The following MELK variants were observed in gnomAD, a reference collection of about 807,000 sequenced individuals.
The protein encoded by MELK is maternal embryonic leucine zipper kinase, also known as pEg3 kinase.
In MELK, 81 loss-of-function variants were observed where a neutral mutation model predicts 85.0. The observed-to-expected ratio is 0.95, with a 90% confidence interval of 0.80 to 1.15. The LOEUF is 1.15. Among genes scored for constraint, MELK ranks in the 50% most tolerant of loss-of-function variants. The pLI, the probability that MELK is intolerant of heterozygous loss-of-function variation, is 0.00. For synonymous variants in MELK, 252 were observed against 265.0 expected (o/e 0.95, Z 0.48); for missense variants, 754 against 777.5 (o/e 0.97, Z 0.36).
At chr9:36,608,708 A>G (rs188400442) in intron 8 of MELK, among the ~76,000 whole-genome samples, 5 of 151,918 alleles carry the variant, frequency 3.3e-5, no homozygotes, top group Middle Eastern at 3.4e-3. Context: ...CAGCCTCCCT[A>G]GTAGCTGGGA....
At chr9:36,655,842 G>A (rs1194558028) in intron 12 of MELK, among the ~76,000 whole-genome samples, 50 of 152,150 alleles carry the variant, frequency 3.3e-4, no homozygotes, top group Non-Finnish European at 1.5e-5. Context: ...CCTTGGTTGA[G>A]ACAGTGGAAA....
chr9:36,651,878 G>T lies in MELK; in HGVS notation c.1053+1G>T, dbSNP rs1157671820. Reference sequence around the variant, plus strand: ...TGCTACCCCATTCACAGACATCAAGGTAAGTGTTACTGCCTGTTGTGTCTT... The same window carrying T: ...TGCTACCCCATTCACAGACATCAAGTTAAGTGTTACTGCCTGTTGTGTCTT... On this transcript the variant is annotated splice_donor_variant, in intron 12 of 17. Transcript: ENST00000298048. LOFTEE classifies it high-confidence loss of function. 3 of 1,612,876 alleles carry T rather than the reference G, an allele frequency of 1.9e-6. No individual in the cohort carries two copies. Among genetic ancestry groups the T allele is most frequent in the Non-Finnish European group, 2.5e-6 (3 of 1,179,496 alleles).
chr9:36,668,991 C>G (rs1832640580), intron 14 of MELK, among the ~76,000 whole-genome samples: 1 of 151,004 alleles, frequency 6.6e-6, no homozygotes, highest in South Asian at 2.1e-4. Context: ...GAAAAAGAAT[C>G]AGTAATTATG....
In MELK at chr9:36,671,127, A is replaced by C; in HGVS notation, c.1635A>C (p.Lys545Asn). The C allele has an allele frequency of 6.2e-7, 1 of 1,610,322 alleles. No individual in the cohort carries two copies. The highest frequency in any genetic ancestry group is 8.5e-7 in the Non-Finnish European group (1 of 1,178,186). ...DKVITVLTRSKRKGSARDGPR... is the reference protein window; with the variant it reads ...DKVITVLTRSNRKGSARDGPR... ...TTATCACTGTGCTCACCAGGAGCAA[A>C]AGGAAGGGTTCTGCCAGAGACGGGC... Residue 545 changes from lysine (K) to asparagine (N), a missense_variant, in exon 16 of 18, where the codon AAA (lysine) becomes AAC (asparagine). Coordinates refer to ENST00000298048, the MANE Select transcript of MELK (RefSeq NM_014791.4).
intron 7 of MELK, among the ~76,000 whole-genome samples, chr9:36,601,453 A>T (rs1824914238): frequency 6.6e-6 from 1 of 152,198 alleles, no homozygotes; most frequent in Non-Finnish European, 1.5e-5. Context: ...TTTTGGCAGA[A>T]ATACCACAAA....
intron 5 of MELK, among the ~76,000 whole-genome samples, chr9:36,595,450 T>C (rs1468256043): frequency 6.6e-6 from 1 of 152,066 alleles, no homozygotes; most frequent in East Asian, 1.9e-4. Flanking sequence ...CAGTCTGGTC[T>C]TGAACTCCTG....
Position 36,677,241 on chromosome 9 carries a change from AC to A in MELK, c.1863del (p.Asp622MetfsTer20). ...AATTAGAAGTGTGCCAGCTTCAAAA[AC>A]CCGATGTGGTGGGTATCAGGAGGCA... ...FELEVCQLQK[P>X]DVVGIRRQRL... On this transcript the variant is annotated frameshift_variant, in exon 18 of 18. Transcript: ENST00000298048. LOFTEE classifies it high-confidence loss of function. 1 of 1,614,084 alleles carries A rather than the reference AC, an allele frequency of 6.2e-7. No homozygotes were observed. The highest frequency in any genetic ancestry group is 8.5e-7 in the Non-Finnish European group (1 of 1,179,994).
Position 36,659,312 on chromosome 9 carries a change from G to A in MELK, c.1176+1949G>A, listed in dbSNP as rs534365322. 2.0e-5 allele frequency among the ~76,000 whole-genome samples: 3 copies of A among 152,156 alleles called. No homozygotes were observed. The South Asian group carries it at 6.2e-4, about 32-fold the overall frequency. ...ATTACAGGCATGAGCCACCGTGCCC[G>A]GCCATACTTTTTTATTTCTTTGCAT... is the stretch of plus-strand genomic sequence containing the variant. On this transcript the variant is annotated intron_variant, in intron 13 of 17. Coordinates refer to ENST00000298048, the MANE Select transcript of MELK (RefSeq NM_014791.4).
chr9:36,590,928 G>GA (rs1219269328), intron 4 of MELK, among the ~76,000 whole-genome samples: 24 of 145,426 alleles, frequency 1.7e-4, no homozygotes, highest in East Asian at 6.1e-4. Flanking sequence ...AAAGAAAAAA[G>GA]AAAAAAAAAA....
chr9:36,641,627 G>A (rs1275102020), intron 10 of MELK, among the ~76,000 whole-genome samples: 1 of 137,488 alleles, frequency 7.3e-6, no homozygotes, highest in Non-Finnish European at 1.5e-5. Flanking sequence ...TTTTTTTGGA[G>A]ATGGAGTTTC....
At chr9:36,582,723 G>A (rs1822384612) in intron 2 of MELK, among the ~76,000 whole-genome samples, 1 of 152,112 alleles carries the variant, frequency 6.6e-6, no homozygotes, top group South Asian at 2.1e-4. Context: ...ATATTTTGAG[G>A]ACAGAGCTAA....
intron 8 of MELK, among the ~76,000 whole-genome samples, chr9:36,623,516 G>T (rs541930317): frequency 6.6e-6 from 1 of 152,224 alleles, no homozygotes; most frequent in African/African-American, 2.4e-5. Flanking sequence ...ACTTGTGGAT[G>T]ATACTCTACA....
intron 15 of MELK, 128 bp downstream of exon 15, chr9:36,669,534 TATGTGTGG>T: frequency 1.6e-6 from 1 of 638,944 alleles, no homozygotes; most frequent in Non-Finnish European, 2.5e-6. Context: ...AATATCTGTT[TATGTGTGG>T]ATGACCTGTG....
chr9:36,628,713 C>T (rs965577301), intron 8 of MELK, among the ~76,000 whole-genome samples: 3 of 151,952 alleles, frequency 2.0e-5, no homozygotes, highest in Non-Finnish European at 2.9e-5. Flanking sequence ...CCACCACATC[C>T]GGCCAATGAT....
Position 36,594,761 on chromosome 9 carries a change from A to T in MELK, c.395A>T (p.Asp132Val). 6.2e-7 allele frequency: 1 copy of T among 1,613,076 alleles called. No individual in the cohort carries two copies. The highest frequency in any genetic ancestry group is 8.5e-7 in the Non-Finnish European group (1 of 1,179,716). The stretch of plus-strand genomic sequence containing the variant: ...CACAGCCAGGGCTATGCTCACAGGG[A>T]CCTCAAGCCAGTAAGTGACTGCATC... ...YVHSQGYAHR[D>V]LKPENLLFDE... Residue 132 changes from aspartate to valine, a missense_variant, in exon 5 of 18, where the codon GAC (aspartate) becomes GTC (valine). Transcript: ENST00000298048.
chr9:36,596,058 C>A (rs944502665), intron 5 of MELK, among the ~76,000 whole-genome samples: 4 of 152,074 alleles, frequency 2.6e-5, no homozygotes, highest in Admixed American at 1.3e-4. Context: ...TCAAGTGATG[C>A]GCCTGCCTTG....
intron 8 of MELK, among the ~76,000 whole-genome samples, chr9:36,625,678 T>C (rs1039673269): frequency 6.6e-6 from 1 of 152,108 alleles, no homozygotes; most frequent in African/African-American, 2.4e-5. Flanking sequence ...TCCAGCACTT[T>C]GGGAGGCTGA....
At chr9:36,582,006 C>T (rs1321567052) in intron 2 of MELK, among the ~76,000 whole-genome samples, 6 of 151,634 alleles carry the variant, frequency 4.0e-5, no homozygotes, top group Non-Finnish European at 5.9e-5. Flanking sequence ...CTCACTCTGT[C>T]GCCCAGGCTG....
intron 8 of MELK, among the ~76,000 whole-genome samples, chr9:36,616,463 C>T (rs1044722659): frequency 1.4e-5 from 2 of 143,192 alleles, no homozygotes; most frequent in African/African-American, 2.6e-5. Context: ...GATCTCGGCT[C>T]ACTGCAACCT....
Sources: gnomAD v4.1 joint callset for allele counts (sites outside exome capture counted in the v4.1 genomes callset) on GRCh38, gnomAD v4.1.1 for gene constraint, MANE v1.5 for transcripts, NCBI Gene and HGNC (gene_info 2026-07-23, HGNC 2026-07-21) for gene names.